Variants in PRORP observed in about 807,000 individuals in gnomAD.
PRORP encodes the protein mitochondrial ribonuclease P catalytic subunit.
PRORP carries 51 observed loss-of-function variants against 59.4 expected under a neutral mutation model. That is an observed-to-expected ratio of 0.86 (90% CI 0.69 to 1.08). PRORP has a LOEUF of 1.08. Among genes scored for constraint, PRORP ranks in the 50% least tolerant of loss-of-function variants. The pLI is 0.00. For missense variants in PRORP, 646 were observed against 690.3 expected (o/e 0.94, Z 0.72); for synonymous variants, 231 against 245.6 (o/e 0.94, Z 0.55).
intron 2 of PRORP, 151 bp downstream of exon 2, chr14:35,124,382 T>C (rs928169184): frequency 2.8e-5 from 13 of 457,712 alleles, no homozygotes; most frequent in African/African-American, 2.4e-4. Flanking sequence ...ATCCTCTCGC[T>C]TCAGTCTCCT....
chr14:35,178,887 T>C (rs6571700), intron 4 of PRORP, among the ~76,000 whole-genome samples: 89,318 of 151,998 alleles, frequency 0.59, 26,392 homozygotes, highest in East Asian at 0.69. Flanking sequence ...ACCGGTTGTA[T>C]CTTTCCACGT....
At chr14:35,208,901 T>C (rs1441955042) in intron 5 of PRORP, among the ~76,000 whole-genome samples, 1 of 152,090 alleles carries the variant, frequency 6.6e-6, no homozygotes, top group Non-Finnish European at 1.5e-5. Context: ...TCCCAGCTAC[T>C]CAGCAGTCTG....
intron 4 of PRORP, among the ~76,000 whole-genome samples, chr14:35,152,183 C>T (rs2047773830): frequency 6.6e-6 from 1 of 152,158 alleles, no homozygotes; most frequent in Non-Finnish European, 1.5e-5. Context: ...GCACATCTTG[C>T]ACCGCCCTTA....
At chr14:35,122,498 C>T (rs1316033893), upstream of PRORP, 1 of 155,814 alleles carries the variant, frequency 6.4e-6, no homozygotes, top group Non-Finnish European at 1.4e-5. Context: ...ACGCCTAAGT[C>T]CGGGTCAGTC....
At chr14:35,178,687 C>T (rs1430375841) in intron 4 of PRORP, among the ~76,000 whole-genome samples, 3 of 152,162 alleles carry the variant, frequency 2.0e-5, no homozygotes, top group African/African-American at 7.2e-5. Context: ...TGGATCTTGA[C>T]TCTTTATCCA....
At chr14:35,177,102 G>A (rs1405920534) in intron 4 of PRORP, among the ~76,000 whole-genome samples, 14 of 152,202 alleles carry the variant, frequency 9.2e-5, no homozygotes, top group Non-Finnish European at 1.2e-4. Context: ...CCACTTGATC[G>A]TGGTGGATAA....
chr14:35,123,285 C>G lies in PRORP; in HGVS notation c.40C>G (p.Leu14Val), dbSNP rs1373044111. The change falls in exon 2 of 8, where the codon CTT becomes GTT. Residue 14 changes from leucine (L) to valine (V), a missense_variant. Leu to Val is a conservative substitution (Grantham distance 32). Transcript: ENST00000534898. ...GTTTGGTATTCGAAGCTTTCCGAAG[C>G]TTTGGAAGAGCCCATACCTTGGGCT... ...YLFGIRSFPKLWKSPYLGLGP... is the reference protein window; with the variant it reads ...YLFGIRSFPKVWKSPYLGLGP... 3.1e-6 allele frequency: 5 copies of G among 1,612,966 alleles called. No homozygotes were observed. In the South Asian group the frequency reaches 5.5e-5, roughly 18 times the overall value.
intron 5 of PRORP, among the ~76,000 whole-genome samples, chr14:35,192,858 G>T (rs2048916777): frequency 6.6e-6 from 1 of 151,982 alleles, no homozygotes; most frequent in Non-Finnish European, 1.5e-5. Context: ...GCCAGGCATG[G>T]TGGCGCGTGC....
intron 5 of PRORP, chr14:35,235,211 T>G (rs1408636213): frequency 1.4e-6 from 1 of 712,424 alleles, no homozygotes; most frequent in African/African-American, 1.8e-5. Context: ...AGCCTTTGCC[T>G]TTTCGAGCTT....
intron 4 of PRORP, among the ~76,000 whole-genome samples, chr14:35,179,155 T>G (rs1052925392): frequency 6.6e-6 from 1 of 152,252 alleles, no homozygotes; most frequent in African/African-American, 2.4e-5. Context: ...CTGACCTTTC[T>G]CTCTAGCTGC....
intron 7 of PRORP, among the ~76,000 whole-genome samples, chr14:35,271,845 C>T (rs2051198881): frequency 6.6e-6 from 1 of 151,980 alleles, no homozygotes; most frequent in Non-Finnish European, 1.5e-5. Flanking sequence ...GCCAACATAG[C>T]GAAAACCTCA....
rs200424337 is a variant in PRORP at position 35,124,130 on chromosome 14, T to C, written c.885T>C (p.Asp295=). ...FFDFGKDIKD[D]NYSNKLLDIL... is the part of the protein sequence containing the mutation. ...ATTTTGGAAAAGACATAAAGGATGA[T>C]AACTATTCAAATAAACTACTAGATA... Residue 295 remains aspartate, a synonymous_variant, in exon 2 of 8, where the codon GAT becomes GAC. Coordinates refer to ENST00000534898, the MANE Select transcript of PRORP (RefSeq NM_014672.4). 4.3e-6 allele frequency: 7 copies of C among 1,611,718 alleles called. No homozygotes were observed. In the Admixed American group the frequency reaches 6.7e-5, roughly 15 times the overall value.
chr14:35,248,245 A>AT (rs562971748), intron 5 of PRORP, among the ~76,000 whole-genome samples: 1 of 152,154 alleles, frequency 6.6e-6, no homozygotes, highest in Non-Finnish European at 1.5e-5. Flanking sequence ...CCATATATCC[A>AT]TTTTTTCCCA....
At chr14:35,242,022 C>T (rs1240199364) in intron 5 of PRORP, among the ~76,000 whole-genome samples, 1 of 152,054 alleles carries the variant, frequency 6.6e-6, no homozygotes, top group South Asian at 2.1e-4. Flanking sequence ...TATATCCACC[C>T]GTGCTTCAGG....
chr14:35,242,332 G>A (rs180777607), intron 5 of PRORP, among the ~76,000 whole-genome samples: 3 of 152,224 alleles, frequency 2.0e-5, no homozygotes, highest in Non-Finnish European at 2.9e-5. Flanking sequence ...CATTCACAGG[G>A]TTACTCTCTT....
intron 5 of PRORP, among the ~76,000 whole-genome samples, chr14:35,200,482 G>T (rs748385165): frequency 6.6e-6 from 1 of 151,992 alleles, no homozygotes; most frequent in East Asian, 1.9e-4. Flanking sequence ...GAGCCACCGC[G>T]CCCGGCCTAA....
intron 5 of PRORP, among the ~76,000 whole-genome samples, chr14:35,214,340 A>T (rs1432921057): frequency 1.3e-5 from 2 of 152,232 alleles, no homozygotes; most frequent in African/African-American, 4.8e-5. Flanking sequence ...ATATCCCAGT[A>T]CATTAGGTCA....
chr14:35,218,266 C>G (rs568219305), intron 5 of PRORP, among the ~76,000 whole-genome samples: 1 of 151,338 alleles, frequency 6.6e-6, no homozygotes, highest in South Asian at 2.1e-4. Flanking sequence ...TCGAGACCAG[C>G]CTGGGCAACA....
chr14:35,210,077 A>C (rs2049399597), intron 5 of PRORP, among the ~76,000 whole-genome samples: 1 of 152,258 alleles, frequency 6.6e-6, no homozygotes, highest in Non-Finnish European at 1.5e-5. Context: ...ATTAAAATTA[A>C]CAGTAAAATT....
Sources: gnomAD v4.1 joint callset for allele counts (sites outside exome capture counted in the v4.1 genomes callset) on GRCh38, gnomAD v4.1.1 for gene constraint, MANE v1.5 for transcripts, NCBI Gene and HGNC (gene_info 2026-07-23, HGNC 2026-07-21) for gene names.